The following NBEA variants were observed in gnomAD, a reference collection of about 807,000 sequenced individuals.
The protein encoded by NBEA is neurobeachin, also known as lysosomal-trafficking regulator 2.
Under a neutral mutation model 343.4 loss-of-function variants are expected in NBEA, and 44 were observed. The ratio of observed to expected loss-of-function variants is 0.13; its 90% CI spans 0.10 to 0.16. NBEA has a LOEUF of 0.16. NBEA is among the 10% of genes least tolerant of loss of function. The pLI, the probability that NBEA is intolerant of heterozygous loss-of-function variation, is 1.00. For synonymous variants in NBEA, 1,175 were observed against 1,238.7 expected (o/e 0.95, Z 1.08); for missense variants, 2,555 against 3,631.3 (o/e 0.70, Z 7.62).
At chr13:35,397,386 A>G (rs753632707) in intron 38 of NBEA, among the ~76,000 whole-genome samples, 1 of 152,198 alleles carries the variant, frequency 6.6e-6, no homozygotes, top group Non-Finnish European at 1.5e-5. Flanking sequence ...CATACTGTAT[A>G]TAATATTTCT....
At chr13:35,562,178 AATTTCTTTAACT>A (rs1467145895) in intron 44 of NBEA, among the ~76,000 whole-genome samples, 3 of 152,070 alleles carry the variant, frequency 2.0e-5, no homozygotes, top group Non-Finnish European at 4.4e-5. Context: ...AATATGGCAA[AATTTCTTTAACT>A]ATTTTTGAAA....
intron 1 of NBEA, among the ~76,000 whole-genome samples, chr13:35,028,496 C>T (rs1319321019): frequency 1.3e-5 from 2 of 151,768 alleles, no homozygotes; most frequent in Non-Finnish European, 3.0e-5. Context: ...GTATGTTGAT[C>T]CTGTTACCTA....
intron 1 of NBEA, among the ~76,000 whole-genome samples, chr13:35,020,470 G>A (rs1167820962): frequency 6.6e-6 from 1 of 152,106 alleles, no homozygotes; most frequent in Non-Finnish European, 1.5e-5. Context: ...TGGATGGTAT[G>A]TATGCCCCAA....
At chr13:35,065,277 C>T (rs1319969287) in intron 8 of NBEA, among the ~76,000 whole-genome samples, 1 of 151,952 alleles carries the variant, frequency 6.6e-6, no homozygotes, top group African/African-American at 2.4e-5. Flanking sequence ...CTTAAATATG[C>T]TACTAATTTT....
intron 38 of NBEA, among the ~76,000 whole-genome samples, chr13:35,354,927 A>G (rs958475147): frequency 6.6e-6 from 1 of 152,154 alleles, no homozygotes; most frequent in Non-Finnish European, 1.5e-5. Context: ...CACACCTAAC[A>G]TATGAAAACT....
At chr13:35,252,283 A>G (rs968255056) in intron 34 of NBEA, among the ~76,000 whole-genome samples, 1 of 152,294 alleles carries the variant, frequency 6.6e-6, no homozygotes, top group East Asian at 1.9e-4. Flanking sequence ...ATGAGAAGTC[A>G]CTGTCCCGTG....
intron 41 of NBEA, among the ~76,000 whole-genome samples, chr13:35,541,852 ACTGTG>A (rs1463807193): frequency 6.6e-6 from 1 of 151,976 alleles, no homozygotes; most frequent in East Asian, 1.9e-4. Flanking sequence ...TGTGCCAGGC[ACTGTG>A]CTGAGCATTT....
intron 43 of NBEA, among the ~76,000 whole-genome samples, chr13:35,553,870 A>C (rs12428646): frequency 0.057 from 8,648 of 152,222 alleles, 286 homozygotes; most frequent in South Asian, 0.093. Flanking sequence ...GTTAGTTCCA[A>C]GTTTCAACTT....
chr13:35,346,793 A>T (rs1594297767), intron 36 of NBEA, among the ~76,000 whole-genome samples: 2 of 152,088 alleles, frequency 1.3e-5, no homozygotes, highest in Non-Finnish European at 2.9e-5. Context: ...CAGAGTAGTT[A>T]TTTAACCTAA....
At chr13:35,154,017 G>A (rs576126372) in intron 18 of NBEA, among the ~76,000 whole-genome samples, 5 of 152,194 alleles carry the variant, frequency 3.3e-5, no homozygotes, top group Admixed American at 3.3e-4. Flanking sequence ...TGCATGTTTG[G>A]GGTCCTTTGT....
At chr13:35,494,241 A>C (rs1352922998) in intron 41 of NBEA, among the ~76,000 whole-genome samples, 1 of 152,010 alleles carries the variant, frequency 6.6e-6, no homozygotes, top group African/African-American at 2.4e-5. Context: ...TTACAGAGAC[A>C]GTGAGATATG....
chr13:35,136,896 G>A (rs1449221128), intron 17 of NBEA, among the ~76,000 whole-genome samples: 1 of 152,192 alleles, frequency 6.6e-6, no homozygotes, highest in African/African-American at 2.4e-5. Flanking sequence ...GAATTCATTT[G>A]AAGTAGACGA....
intron 48 of NBEA, among the ~76,000 whole-genome samples, chr13:35,613,115 AC>A (rs2082595184): frequency 6.7e-6 from 1 of 149,786 alleles, no homozygotes; most frequent in Non-Finnish European, 1.5e-5. Context: ...ATAATTAACT[AC>A]AGTCACTTTG....
At chr13:35,542,598 A>G (rs17052348) in intron 41 of NBEA, among the ~76,000 whole-genome samples, 9,610 of 152,170 alleles carry the variant, frequency 0.063, 633 homozygotes, top group African/African-American at 0.16. Flanking sequence ...GGAGTGGTCT[A>G]TAGCAGTTGT....
At chr13:35,635,794 A>G (rs2083668273) in intron 49 of NBEA, among the ~76,000 whole-genome samples, 1 of 152,252 alleles carries the variant, frequency 6.6e-6, no homozygotes, top group African/African-American at 2.4e-5. Context: ...ATTAGTGAAT[A>G]AATCTTTAAT....
chr13:35,017,914 T>C (rs2061709547), intron 1 of NBEA, among the ~76,000 whole-genome samples: 1 of 152,168 alleles, frequency 6.6e-6, no homozygotes, highest in Non-Finnish European at 1.5e-5. Flanking sequence ...TATTTGCATA[T>C]GATATAAAGT....
At chr13:35,189,643 T>C (rs2072022974) in intron 30 of NBEA, among the ~76,000 whole-genome samples, 1 of 152,016 alleles carries the variant, frequency 6.6e-6, no homozygotes, top group Non-Finnish European at 1.5e-5. Context: ...ATTTAAAATA[T>C]AAAAATTATA....
At chr13:35,571,816 C>G (rs2080441151) in intron 45 of NBEA, among the ~76,000 whole-genome samples, 1 of 152,144 alleles carries the variant, frequency 6.6e-6, no homozygotes, top group African/African-American at 2.4e-5. Context: ...ACTGTAACAT[C>G]AAAACACTAA....
intron 29 of NBEA, among the ~76,000 whole-genome samples, 181 bp from the exon 30 acceptor site, chr13:35,183,795 A>G (rs919724061): frequency 2.6e-5 from 4 of 152,060 alleles, no homozygotes; most frequent in African/African-American, 9.7e-5. Context: ...GAATTACTCT[A>G]CTTAACAAAT....
Sources: gnomAD v4.1 joint callset for allele counts (sites outside exome capture counted in the v4.1 genomes callset) on GRCh38, gnomAD v4.1.1 for gene constraint, MANE v1.5 for transcripts, NCBI Gene and HGNC (gene_info 2026-07-23, HGNC 2026-07-21) for gene names.